CRBN: variants seen among roughly 807,000 people sequenced by gnomAD.
The protein encoded by CRBN is cereblon.
In CRBN, 53 loss-of-function variants were observed where a neutral mutation model predicts 62.2. The ratio of observed to expected loss-of-function variants is 0.85; its 90% CI spans 0.68 to 1.07. The LOEUF is 1.07. Among genes scored for constraint, CRBN ranks in the 50% least tolerant of loss-of-function variants. CRBN has a pLI of 0.00. For synonymous variants in CRBN, 208 were observed against 176.1 expected (o/e 1.18, Z -1.43); for missense variants, 616 against 531.1 (o/e 1.16, Z -1.57).
intron 4 of CRBN, among the ~76,000 whole-genome samples, chr3:3,171,310 TAAG>T (rs1277034032): frequency 1.3e-5 from 2 of 152,182 alleles, no homozygotes; most frequent in Non-Finnish European, 2.9e-5. Context: ...TGTATGAAGA[TAAG>T]AAGTACTTTA....
chr3:3,158,961 G>T (rs1163463058), intron 5 of CRBN, among the ~76,000 whole-genome samples: 1 of 152,208 alleles, frequency 6.6e-6, no homozygotes, highest in African/African-American at 2.4e-5. Context: ...GTTTTCTCAT[G>T]ATAGTGAGTT....
intron 5 of CRBN, among the ~76,000 whole-genome samples, chr3:3,164,876 T>C (rs577590885): frequency 1.3e-5 from 2 of 152,332 alleles, no homozygotes; most frequent in South Asian, 2.1e-4. Flanking sequence ...CTGCCACAGA[T>C]AGTGATTCCT....
At chr3:3,173,036 T>C (rs1707685771) in intron 3 of CRBN, 111 bp from the exon 4 acceptor site, 1 of 817,800 alleles carries the variant, frequency 1.2e-6, no homozygotes, top group Non-Finnish European at 2.1e-6. Flanking sequence ...CAACCCTTAC[T>C]ACAAAGCTAG....
rs764115779 is a variant in CRBN, at chr3:3,175,186, T to G, written c.151A>C (p.Thr51Pro). The G allele has an allele frequency of 8.7e-6, 14 of 1,611,680 alleles. No individual in the cohort carries two copies. The highest frequency in any genetic ancestry group is 1.2e-5 in the Non-Finnish European group (14 of 1,177,830). The change falls in exon 2 of 11, where the codon ACC (threonine) becomes CCC (proline). Residue 51 changes from threonine to proline, a missense_variant. Coordinates refer to ENST00000231948, the MANE Select transcript of CRBN (RefSeq NM_016302.4). ...AKKPNIINFDTSLPTSHTYLG... is the reference protein window; with the variant it reads ...AKKPNIINFDPSLPTSHTYLG... ...ACTGTATGTGATGTCGGCAGACTGGTGTCAAAATTTATGATGTTTGGTTTT... is the reference window on the plus strand; with the variant it reads ...ACTGTATGTGATGTCGGCAGACTGGGGTCAAAATTTATGATGTTTGGTTTT...
At chr3:3,176,442 T>C (rs764455613) in intron 1 of CRBN, among the ~76,000 whole-genome samples, 1 of 152,180 alleles carries the variant, frequency 6.6e-6, no homozygotes, top group African/African-American at 2.4e-5. Flanking sequence ...CGCTACATTA[T>C]CTTAAAATGA....
rs1344621654 is a variant in CRBN, at chr3:3,174,056, T to C, written c.377+3A>G. On this transcript the variant is annotated splice_donor_region_variant and intron_variant, in intron 3 of 10. Transcript: ENST00000231948. ...ATTAAGCAAATGGACTCTAATATTT[T>C]ACCTGTATGCAAGAACAGCAAAGGT... 5.6e-6 allele frequency: 9 copies of C among 1,612,242 alleles called. No individual in the cohort carries two copies. Among genetic ancestry groups the C allele is most frequent in the Admixed American group, 1.7e-5 (1 of 60,028 alleles).
intron 5 of CRBN, among the ~76,000 whole-genome samples, chr3:3,164,762 T>G (rs1707263296): frequency 6.6e-6 from 1 of 152,242 alleles, no homozygotes. Flanking sequence ...TAATGCTGTT[T>G]TCATGCTTGG....
At chr3:3,155,457 T>C (rs1473678481) in intron 6 of CRBN, 1 of 153,310 alleles carries the variant, frequency 6.5e-6, no homozygotes, top group African/African-American at 2.4e-5. Flanking sequence ...GCTACCATTA[T>C]ATCCATTTCA....
chr3:3,163,421 T>C (rs1320575019), intron 5 of CRBN, among the ~76,000 whole-genome samples: 1 of 151,706 alleles, frequency 6.6e-6, no homozygotes, highest in East Asian at 2.0e-4. Flanking sequence ...TTCCCAGCTC[T>C]ATCTTTTCTT....
At chr3:3,171,538 G>A (rs1376367182) in intron 4 of CRBN, among the ~76,000 whole-genome samples, 1 of 152,134 alleles carries the variant, frequency 6.6e-6, no homozygotes, top group African/African-American at 2.4e-5. Context: ...ACAGTGCAAT[G>A]TGGTAAGGCT....
chr3:3,174,203 C>T lies in CRBN; in HGVS notation c.233G>A (p.Cys78Tyr), dbSNP rs779756864. The T allele has an allele frequency of 5.0e-6, 8 of 1,614,216 alleles. No homozygotes were observed. Among genetic ancestry groups the T allele is most frequent in the South Asian group, 4.4e-5 (4 of 91,086 alleles). ...HGRTLHDDDSCQVIPVLPQVM... is the reference protein window; with the variant it reads ...HGRTLHDDDSYQVIPVLPQVM... ...TTGTGGAAGAACTGGAATCACCTGA[C>T]AGCTGTCGTCATCGTGCAAAGTCCT... Residue 78 changes from cysteine (C) to tyrosine (Y), a missense_variant, in exon 3 of 11, where the codon TGT becomes TAT. Coordinates refer to ENST00000231948, the MANE Select transcript of CRBN (RefSeq NM_016302.4).
intron 5 of CRBN, among the ~76,000 whole-genome samples, chr3:3,165,510 C>T (rs539983433): frequency 6.6e-6 from 1 of 152,314 alleles, no homozygotes; most frequent in African/African-American, 2.4e-5. Context: ...CAAAACAAGA[C>T]TATCCACCAG....
intron 7 of CRBN, chr3:3,154,524 A>C (rs4684376): frequency 1.8e-6 from 1 of 544,996 alleles, no homozygotes; most frequent in Middle Eastern, 4.9e-4. Context: ...TTTATGGAAA[A>C]CTTGTCTAAA....
At chr3:3,149,829 A>G (rs1387880854), downstream of CRBN, 1 of 152,176 alleles carries the variant, frequency 6.6e-6, no homozygotes, top group African/African-American at 2.4e-5. Context: ...TTGAGTAAAC[A>G]TTTAACCTGA....
At chr3:3,169,331 A>G (rs374192425) in intron 4 of CRBN, among the ~76,000 whole-genome samples, 7 of 152,170 alleles carry the variant, frequency 4.6e-5, no homozygotes, top group Non-Finnish European at 2.9e-5. Context: ...CAACTTGTTT[A>G]TCACAGTTGT....
chr3:3,176,382 G>A (rs62230160), intron 1 of CRBN, among the ~76,000 whole-genome samples: 2,613 of 152,296 alleles, frequency 0.017, 38 homozygotes, highest in Middle Eastern at 0.054. Flanking sequence ...AGATAACCTA[G>A]CAGGAAGAAT....
Position 3,167,762 on chromosome 3 carries a change from C to G in CRBN, c.559G>C (p.Glu187Gln). 1 of 1,613,442 alleles carries G rather than the reference C, an allele frequency of 6.2e-7. No homozygotes were observed. Among genetic ancestry groups the G allele is most frequent in the Non-Finnish European group, 8.5e-7 (1 of 1,179,592 alleles). ...IQQAKVQILPECVLPSTMSAV... is the reference protein window; with the variant it reads ...IQQAKVQILPQCVLPSTMSAV... ...GACATGGTTGAAGGCAACACACATTCGGGAAGAATTTGCACTTTAGCTTGC... is the reference window on the plus strand; with the variant it reads ...GACATGGTTGAAGGCAACACACATTGGGGAAGAATTTGCACTTTAGCTTGC... Residue 187 changes from glutamate (E) to glutamine (Q), a missense_variant, in exon 5 of 11, where the codon GAA becomes CAA. Coordinates refer to ENST00000231948, the MANE Select transcript of CRBN (RefSeq NM_016302.4).
Position 3,179,621 on chromosome 3 carries a change from C to T in CRBN, c.67G>A (p.Ala23Thr), listed in dbSNP as rs775177379. The T allele has an allele frequency of 1.2e-6, 2 of 1,613,664 alleles. No homozygotes were observed. The highest frequency in any genetic ancestry group is 1.7e-5 in the Admixed American group (1 of 60,010). ...ACAGGGAACTACTCCGGGCGGTTAC[C>T]AGGCAGGAGCGGCAGGTGGTTGCCC... ...NMGNHLPLLPAESEEEDEMEV... is the reference protein window; with the variant it reads ...NMGNHLPLLPTESEEEDEMEV... Residue 23 changes from alanine to threonine, a missense_variant and splice_region_variant, in exon 1 of 11, where the codon GCA (alanine) becomes ACA (threonine). Physicochemically the swap from Ala to Thr is moderately conservative, Grantham distance 58. Coordinates refer to ENST00000231948, the MANE Select transcript of CRBN (RefSeq NM_016302.4).
chr3:3,150,991 C>G lies in CRBN; in HGVS notation c.1203G>C (p.Lys401Asn). ...ACATGTCTTTTTTGGTGGCCGTAAA[C>G]TTCCATCCAATATGGCTTGCACAGA... is the stretch of plus-strand genomic sequence containing the variant. Reference protein sequence around the residue: ...CKICASHIGWKFTATKKDMSP... With the variant: ...CKICASHIGWNFTATKKDMSP... The change falls in exon 11 of 11, where the codon AAG becomes AAC. Residue 401 changes from lysine (K) to asparagine (N), a missense_variant. Coordinates refer to ENST00000231948, the MANE Select transcript of CRBN (RefSeq NM_016302.4). 2 of 1,614,016 alleles carry G rather than the reference C, an allele frequency of 1.2e-6. No individual in the cohort carries two copies. Among genetic ancestry groups the G allele is most frequent in the Non-Finnish European group, 1.7e-6 (2 of 1,179,984 alleles).
Sources: gnomAD v4.1 joint callset for allele counts (sites outside exome capture counted in the v4.1 genomes callset) on GRCh38, gnomAD v4.1.1 for gene constraint, MANE v1.5 for transcripts, NCBI Gene and HGNC (gene_info 2026-07-23, HGNC 2026-07-21) for gene names.